Variants in TMEM232 observed in about 807,000 individuals in gnomAD.
TMEM232 encodes transmembrane protein 232.
Under a neutral mutation model 78.8 loss-of-function variants are expected in TMEM232, and 80 were observed. The ratio of observed to expected loss-of-function variants is 1.01; its 90% CI spans 0.85 to 1.22. The LOEUF (loss-of-function observed/expected upper bound fraction) is 1.22. TMEM232 is among the 50% of genes most tolerant of loss of function. TMEM232 has a pLI of 0.00. For missense variants in TMEM232, 881 were observed against 742.2 expected, an observed-to-expected ratio of 1.19 and a Z score of -2.17; for synonymous variants, 297 against 254.3, an observed-to-expected ratio of 1.17 and a Z score of -1.60.
chr5:110,697,494 C>T (rs1339698653), intron 1 of TMEM232, among the ~76,000 whole-genome samples: 3 of 152,064 alleles, frequency 2.0e-5, no homozygotes, highest in Non-Finnish European at 4.4e-5. Flanking sequence ...AAGAAACTAC[C>T]ATCAGAGTGA....
At chr5:110,734,502 A>G (rs541031356) in intron 2 of TMEM232, among the ~76,000 whole-genome samples, 2 of 152,386 alleles carry the variant, frequency 1.3e-5, no homozygotes, top group Non-Finnish European at 2.9e-5. Flanking sequence ...GACATACAGT[A>G]TAATACTATG....
intron 5 of TMEM232, 74 bp downstream of exon 5, chr5:110,638,124 C>A: frequency 1.7e-6 from 2 of 1,185,392 alleles, no homozygotes; most frequent in Non-Finnish European, 2.3e-6. Flanking sequence ...TGTTTTGATC[C>A]TAAAACAGAT....
intron 10 of TMEM232, 141 bp from the exon 11 acceptor site, chr5:110,568,766 T>G (rs922066132): frequency 1.2e-6 from 1 of 832,532 alleles, no homozygotes; most frequent in Non-Finnish European, 1.8e-6. Context: ...TGGAAATTTC[T>G]GACCCTTCAC....
upstream of TMEM232, among the ~76,000 whole-genome samples, chr5:110,729,561 A>G (rs1181418573): frequency 6.6e-6 from 1 of 152,226 alleles, no homozygotes; most frequent in Non-Finnish European, 1.5e-5. Flanking sequence ...ACGGCAGATT[A>G]TATTTTCTCA....
rs575852010 is a variant in TMEM232 at position 110,668,323 on chromosome 5, C to T, written c.-12-959G>A. 6.1e-4 allele frequency among the ~76,000 whole-genome samples: 93 copies of T among 152,220 alleles called. 1 individual carries two copies. Among genetic ancestry groups the T allele is most frequent in the Middle Eastern group, 6.8e-3 (2 of 294 alleles). On this transcript the variant is annotated intron_variant, in intron 1 of 13. Coordinates refer to ENST00000455884, the MANE Select transcript of TMEM232 (RefSeq NM_001039763.4). ...AGTTGTGCTTAATAAAAAGCTTTGGCCTTTAAGTGAGAAATGCAGCTAATC... is the reference window on the plus strand; with the variant it reads ...AGTTGTGCTTAATAAAAAGCTTTGGTCTTTAAGTGAGAAATGCAGCTAATC...
chr5:110,531,321 G>A (rs1049083002), intron 11 of TMEM232, among the ~76,000 whole-genome samples: 1 of 152,140 alleles, frequency 6.6e-6, no homozygotes, highest in African/African-American at 2.4e-5. Flanking sequence ...TCTTCACACG[G>A]ACACACATGA....
chr5:110,685,815 C>T (rs1001124313), intron 1 of TMEM232, among the ~76,000 whole-genome samples: 1 of 151,962 alleles, frequency 6.6e-6, no homozygotes, highest in Non-Finnish European at 1.5e-5. Flanking sequence ...TCAGTAACAA[C>T]AAAGAACAAA....
At chr5:110,399,672 G>A (rs1052881361) in intron 2 of TMEM232, among the ~76,000 whole-genome samples, 1 of 152,040 alleles carries the variant, frequency 6.6e-6, no homozygotes, top group African/African-American at 2.4e-5. Context: ...GGTTATTGAT[G>A]TGGGAAGATA....
intron 11 of TMEM232, among the ~76,000 whole-genome samples, chr5:110,552,477 C>G (rs1774591201): frequency 6.6e-6 from 1 of 151,968 alleles, no homozygotes; most frequent in Admixed American, 6.6e-5. Context: ...TTAAAAATAT[C>G]ATGCTTAAAA....
chr5:110,663,019 A>C (rs1454187429), intron 2 of TMEM232, among the ~76,000 whole-genome samples: 2 of 152,092 alleles, frequency 1.3e-5, no homozygotes, highest in Non-Finnish European at 2.9e-5. Context: ...TTATATACAT[A>C]TCCTCTGACC....
chr5:110,562,283 T>C (rs1775840067), intron 11 of TMEM232, among the ~76,000 whole-genome samples: 1 of 152,106 alleles, frequency 6.6e-6, no homozygotes, highest in Admixed American at 6.6e-5. Context: ...CCAGATTTAA[T>C]GCCCATGAAT....
intron 10 of TMEM232, among the ~76,000 whole-genome samples, chr5:110,592,478 T>C (rs1033487183): frequency 6.6e-6 from 1 of 152,164 alleles, no homozygotes; most frequent in African/African-American, 2.4e-5. Context: ...ACTTTGACTA[T>C]GAAGAGGCAC....
Position 110,618,457 on chromosome 5 carries a change from G to C in TMEM232, c.874C>G (p.His292Asp). Residue 292 changes from histidine to aspartate, a missense_variant, in exon 8 of 14, where the codon CAT becomes GAT. His to Asp is a moderately conservative substitution (Grantham distance 81). Transcript: ENST00000455884. The stretch of plus-strand genomic sequence containing the variant: ...CATTTCTTTTGAAGCTGTGTCTTAT[G>C]GAAGACGAGATGTTCAAGCACGTTA... ...LNNVLEHLVF[H>D]KTQLQKKCWL... is the part of the protein sequence containing the mutation. 1 of 1,551,240 alleles carries C rather than the reference G, an allele frequency of 6.4e-7. No homozygotes were observed. Among genetic ancestry groups the C allele is most frequent in the Non-Finnish European group, 8.7e-7 (1 of 1,146,750 alleles).
At chr5:110,514,092 T>G (rs1368139563) in intron 12 of TMEM232, among the ~76,000 whole-genome samples, 1 of 152,156 alleles carries the variant, frequency 6.6e-6, no homozygotes, top group East Asian at 1.9e-4. Flanking sequence ...TGAAGAACCA[T>G]TCAATGTTCT....
upstream of TMEM232, among the ~76,000 whole-genome samples, chr5:110,727,122 T>C (rs138750563): frequency 4.3e-4 from 66 of 152,346 alleles, no homozygotes; most frequent in South Asian, 2.9e-3. Context: ...TGCTATGTAC[T>C]AAACACCAGA....
At chr5:110,550,270 G>C (rs529210027) in intron 11 of TMEM232, among the ~76,000 whole-genome samples, 71 of 152,238 alleles carry the variant, frequency 4.7e-4, no homozygotes, top group African/African-American at 1.6e-3. Flanking sequence ...AAAAGTTCTT[G>C]TTAAACTTGG....
chr5:110,678,428 T>C (rs1792308470), intron 1 of TMEM232, among the ~76,000 whole-genome samples: 1 of 152,114 alleles, frequency 6.6e-6, no homozygotes, highest in African/African-American at 2.4e-5. Flanking sequence ...AAATTTCCCA[T>C]ATACCTCCAA....
intron 1 of TMEM232, among the ~76,000 whole-genome samples, chr5:110,689,014 G>T (rs908266093): frequency 1.3e-5 from 2 of 151,918 alleles, no homozygotes; most frequent in Non-Finnish European, 2.9e-5. Context: ...TTTTTCCTTT[G>T]ACCCTTTTGT....
chr5:110,576,346 C>A (rs115337885), intron 10 of TMEM232, among the ~76,000 whole-genome samples: 4,299 of 152,120 alleles, frequency 0.028, 163 homozygotes, highest in African/African-American at 0.087. Flanking sequence ...AAGATCTCTA[C>A]AAGGAGAACT....
Sources: gnomAD v4.1 joint callset for allele counts (sites outside exome capture counted in the v4.1 genomes callset) on GRCh38, gnomAD v4.1.1 for gene constraint, MANE v1.5 for transcripts, NCBI Gene and HGNC (gene_info 2026-07-23, HGNC 2026-07-21) for gene names.